ZNF8: variants seen among roughly 807,000 people sequenced by gnomAD.
The protein encoded by ZNF8 is zinc finger protein 8, also known as zinc finger protein 272.
ZNF8 carries 9 observed loss-of-function variants against 12.2 expected under a neutral mutation model. The ratio of observed to expected loss-of-function variants is 0.73; its 90% CI spans 0.44 to 1.28. The LOEUF (loss-of-function observed/expected upper bound fraction) is 1.28, where lower values mean the gene tolerates loss of function less well. Ranked by LOEUF, ZNF8 falls within the 50% of genes most tolerant of loss-of-function variation. The pLI, the probability that ZNF8 is intolerant of heterozygous loss-of-function variation, is 0.00. For missense variants in ZNF8, 664 were observed against 729.1 expected (o/e 0.91, Z 1.03); for synonymous variants, 274 against 282.3 (o/e 0.97, Z 0.30).
At chr19:58,279,965 G>A (rs1204440059) in intron 1 of ZNF8, 1 of 912,436 alleles carries the variant, frequency 1.1e-6, no homozygotes, top group Non-Finnish European at 1.4e-6. Flanking sequence ...GATAATCTTA[G>A]GTTGCAGGTT....
At position 58,297,415 on chromosome 19, in the gene ZNF8, T is replaced by C. The variant is rs2051462463; in HGVS notation, c.*1879T>C. On this transcript the variant is annotated 3_prime_UTR_variant, in exon 4 of 4. Transcript: ENST00000621650. ...AATTGATGTGAAATAAGGAAGATAA[T>C]CCTTTTTTTTTTTTTGAGACAGAGT... is the stretch of plus-strand genomic sequence containing the variant. 1.8e-5 allele frequency: 2 copies of C among 108,660 alleles called. No individual in the cohort carries two copies. Among genetic ancestry groups the C allele is most frequent in the South Asian group, 6.4e-4 (2 of 3,114 alleles). 6.7% of individuals were successfully genotyped at this position (108,660 alleles called of 1,614,324 possible). A position where few individuals can be genotyped will look rare whatever the true frequency, so the allele number is the denominator to read the frequency against.
chr19:58,284,964 C>A (rs2051373787), intron 1 of ZNF8, among the ~76,000 whole-genome samples: 1 of 152,086 alleles, frequency 6.6e-6, no homozygotes, highest in South Asian at 2.1e-4. Context: ...GTTCTGAGTC[C>A]CTGCTGCTCC....
intron 1 of ZNF8, chr19:58,279,505 G>C (rs2051332130): frequency 6.7e-7 from 1 of 1,488,768 alleles, no homozygotes; most frequent in Non-Finnish European, 8.9e-7. Flanking sequence ...ACTGATAACA[G>C]TAATTGTAGC....
chr19:58,294,881 G>A lies in ZNF8; in HGVS notation c.1073G>A (p.Arg358Gln). Residue 358 changes from arginine (R) to glutamine (Q), a missense_variant, in exon 4 of 4, where the codon CGG becomes CAG. Transcript: ENST00000621650. This position sits in a 1 kb window ranked among gnomAD's most constrained non-coding sequence, Gnocchi z 5.5. ...RAFNQNSSLG[R>Q]HKRTHTGEKP... is the part of the protein sequence containing the mutation. ...TTCAACCAGAACTCCTCCCTGGGGC[G>A]GCACAAGAGGACACACACTGGGGAG... The A allele has an allele frequency of 1.2e-6, 2 of 1,613,932 alleles. No individual in the cohort carries two copies. Among genetic ancestry groups the A allele is most frequent in the Non-Finnish European group, 1.7e-6 (2 of 1,179,972 alleles).
At chr19:58,282,368 A>G (rs1018189034) in intron 1 of ZNF8, among the ~76,000 whole-genome samples, 5 of 152,208 alleles carry the variant, frequency 3.3e-5, no homozygotes, top group African/African-American at 9.7e-5. Context: ...TGTTCATTAC[A>G]TATTCTAGAT....
intron 1 of ZNF8, chr19:58,279,508 A>T (rs914845400): frequency 1.7e-5 from 25 of 1,489,914 alleles, no homozygotes; most frequent in Non-Finnish European, 2.1e-5. Flanking sequence ...GATAACAGTA[A>T]TTGTAGCGTT....
chr19:58,290,771 C>T (rs2051414681), intron 3 of ZNF8, among the ~76,000 whole-genome samples: 1 of 152,098 alleles, frequency 6.6e-6, no homozygotes, highest in South Asian at 2.1e-4. Flanking sequence ...GGAAAAGAGG[C>T]CAGGCATGGT....
intron 3 of ZNF8, among the ~76,000 whole-genome samples, chr19:58,287,337 C>CCTT (rs2051389755): frequency 1.7e-5 from 2 of 117,804 alleles, no homozygotes; most frequent in African/African-American, 3.3e-5. Context: ...CCATGCCCAG[C>CCTT]TTTTTTTTTT....
chr19:58,287,958 A>G lies in ZNF8; in HGVS notation c.289+1753A>G, dbSNP rs367744794. 1.4e-5 allele frequency among the ~76,000 whole-genome samples: 2 copies of G among 138,166 alleles called. 1 individual carries two copies. Among genetic ancestry groups the G allele is most frequent in the African/African-American group, 5.4e-5 (2 of 36,728 alleles). 90.6% of individuals were successfully genotyped at this position (138,166 alleles called of 152,430 possible). On this transcript the variant is annotated intron_variant, in intron 3 of 3. Transcript: ENST00000621650. ...CCTGGGCTCAAGCAATCCTGCCTCAACCTCCTAAGTGCTGGGATTATAGGC... is the reference window on the plus strand; with the variant it reads ...CCTGGGCTCAAGCAATCCTGCCTCAGCCTCCTAAGTGCTGGGATTATAGGC...
At chr19:58,283,384 T>C (rs2051362340) in intron 1 of ZNF8, among the ~76,000 whole-genome samples, 1 of 152,128 alleles carries the variant, frequency 6.6e-6, no homozygotes, top group South Asian at 2.1e-4. Flanking sequence ...GTGGCGACTT[T>C]TGGGAGAAAT....
chr19:58,279,162 A>C lies in ZNF8; in HGVS notation c.66+15A>C. The C allele has an allele frequency of 6.4e-7, 1 of 1,556,828 alleles. No individual in the cohort carries two copies. Among genetic ancestry groups the C allele is most frequent in the Non-Finnish European group, 8.7e-7 (1 of 1,151,944 alleles). On this transcript the variant is annotated intron_variant, in intron 1 of 3. Coordinates refer to ENST00000621650, the MANE Select transcript of ZNF8 (RefSeq NM_021089.3). ...CCCGGCTTCAGGTAACAATAACAAC[A>C]ATAACGACGGCGGCGGGCTCCGGGC...
intron 1 of ZNF8, among the ~76,000 whole-genome samples, chr19:58,283,850 C>T (rs949229701): frequency 4.0e-5 from 6 of 151,822 alleles, no homozygotes; most frequent in African/African-American, 1.2e-4. Flanking sequence ...CTGCCCGCCT[C>T]GGCCTCCCAA....
At chr19:58,288,800 C>T (rs2051400085) in intron 3 of ZNF8, among the ~76,000 whole-genome samples, 1 of 152,172 alleles carries the variant, frequency 6.6e-6, no homozygotes. Flanking sequence ...TAGCGTATGA[C>T]CTATCAACTG....
chr19:58,295,532 C>T lies in ZNF8; in HGVS notation c.1724C>T (p.Thr575Ile). Residue 575 changes from threonine (T) to isoleucine (I), a missense_variant, in exon 4 of 4, where the codon ACA becomes ATA. By Grantham distance (89) the Thr-to-Ile change is moderately conservative. Coordinates refer to ENST00000621650, the MANE Select transcript of ZNF8 (RefSeq NM_021089.3). ...ASMLFDIRES[T>I] ...ATGTTATTTGACATCAGAGAATCCA[C>T]ATAGGAGAGAAACTTTGCTGATGAC... The T allele has an allele frequency of 1.9e-6, 3 of 1,590,692 alleles. No individual in the cohort carries two copies. The highest frequency in any genetic ancestry group is 1.7e-6 in the Non-Finnish European group (2 of 1,168,292).
chr19:58,291,146 CCT>C, intron 3 of ZNF8, among the ~76,000 whole-genome samples: 1 of 152,200 alleles, frequency 6.6e-6, no homozygotes, highest in East Asian at 1.9e-4. Flanking sequence ...CTCCTTGGCC[CCT>C]GTCACTCGTC....
chr19:58,287,491 C>G (rs1025439859), intron 3 of ZNF8, among the ~76,000 whole-genome samples: 1 of 151,406 alleles, frequency 6.6e-6, no homozygotes, highest in Admixed American at 6.6e-5. Context: ...TACCCCCACA[C>G]CTGGCTAATT....
chr19:58,283,746 C>A (rs1466005615), intron 1 of ZNF8, among the ~76,000 whole-genome samples: 1 of 151,750 alleles, frequency 6.6e-6, no homozygotes, highest in Admixed American at 6.6e-5. Flanking sequence ...ACTACAGACG[C>A]CCACCACCAC....
intron 2 of ZNF8, 111 bp from the exon 3 acceptor site, chr19:58,285,999 A>G: frequency 7.1e-7 from 1 of 1,410,832 alleles, no homozygotes; most frequent in Non-Finnish European, 9.8e-7. Flanking sequence ...GAGCTTCACC[A>G]TGTTGTGAGG....
intron 1 of ZNF8, 124 bp downstream of exon 1, chr19:58,279,271 A>C (rs2147951765): frequency 6.6e-7 from 1 of 1,522,762 alleles, no homozygotes; most frequent in East Asian, 2.5e-5. Context: ...CACGTGGGGA[A>C]ACTCAGACGC....
Sources: allele counts gnomAD v4.1 joint callset (sites outside exome capture counted in the v4.1 genomes callset), GRCh38; gene constraint gnomAD v4.1.1; non-coding constraint Gnocchi (gnomAD v3.1); transcripts MANE v1.5; gene names NCBI Gene and HGNC (gene_info 2026-07-23, HGNC 2026-07-21).